Variants in ATG10 observed in about 807,000 individuals in gnomAD.
The protein encoded by ATG10 is ubiquitin-like-conjugating enzyme ATG10.
ATG10 carries 30 observed loss-of-function variants against 32.1 expected under a neutral mutation model. That is an observed-to-expected ratio of 0.94 (90% CI 0.70 to 1.27). The LOEUF is 1.27. ATG10 is among the 50% of genes most tolerant of loss of function. ATG10 has a pLI of 0.00. For synonymous variants in ATG10, 87 were observed against 91.5 expected, an observed-to-expected ratio of 0.95 and a Z score of 0.28; for missense variants, 233 against 262.3, an observed-to-expected ratio of 0.89 and a Z score of 0.77.
chr5:82,021,144 C>T (rs1762421170), intron 2 of ATG10, among the ~76,000 whole-genome samples: 1 of 151,912 alleles, frequency 6.6e-6, no homozygotes, highest in Non-Finnish European at 1.5e-5. Flanking sequence ...TATATAATCT[C>T]CACAATAACT....
At chr5:82,027,071 A>G (rs1762613510) in intron 2 of ATG10, among the ~76,000 whole-genome samples, 1 of 87,208 alleles carries the variant, frequency 1.1e-5, no homozygotes, top group South Asian at 5.6e-4. Context: ...AAAAATGAAT[A>G]AATAAAATAA....
intron 3 of ATG10, among the ~76,000 whole-genome samples, chr5:82,129,216 A>T (rs1343346382): frequency 6.6e-6 from 1 of 151,794 alleles, no homozygotes; most frequent in African/African-American, 2.4e-5. Flanking sequence ...GTTTTTCTCT[A>T]AACTGGTTAT....
intron 5 of ATG10, among the ~76,000 whole-genome samples, chr5:82,249,787 T>G (rs1008931499): frequency 6.6e-6 from 1 of 152,212 alleles, no homozygotes; most frequent in Non-Finnish European, 1.5e-5. Context: ...AGAAGTAAAG[T>G]CCATGTCTTT....
At chr5:82,153,180 G>A (rs1767671851) in intron 3 of ATG10, among the ~76,000 whole-genome samples, 1 of 152,152 alleles carries the variant, frequency 6.6e-6, no homozygotes, top group Non-Finnish European at 1.5e-5. Flanking sequence ...CACGCTCTCT[G>A]TAGTTATAAG....
In ATG10 at chr5:82,162,052, CAG is replaced by C. The variant is rs149906813; in HGVS notation, c.217-2345_217-2344del. Among the ~76,000 whole-genome samples the C allele has an allele frequency of 1.2e-3, 190 of 152,078 alleles. 1 individual carries two copies. In the East Asian group the frequency reaches 0.022, roughly 18 times the overall value. ...AGTACAACAAATGGTTGAAAGAAAA[CAG>C]AAAGTGTTTTTTATATATGTGTGTA... is the stretch of plus-strand genomic sequence containing the variant. On this transcript the variant is annotated intron_variant, in intron 3 of 7. Coordinates refer to ENST00000282185, the MANE Select transcript of ATG10 (RefSeq NM_031482.5).
At chr5:82,204,184 T>C (rs1007052088) in intron 5 of ATG10, among the ~76,000 whole-genome samples, 3 of 152,200 alleles carry the variant, frequency 2.0e-5, no homozygotes, top group African/African-American at 7.2e-5. Flanking sequence ...TTTTTGTATG[T>C]TTTATTTGTG....
intron 2 of ATG10, 76 bp downstream of exon 2, chr5:81,987,754 A>G (rs1019944511): frequency 3.8e-5 from 40 of 1,055,570 alleles, no homozygotes; most frequent in Middle Eastern, 2.1e-4. Context: ...GTTGACAGGT[A>G]AAACCTCCAT....
intron 5 of ATG10, among the ~76,000 whole-genome samples, chr5:82,218,566 A>G (rs1215131303): frequency 6.6e-6 from 1 of 152,050 alleles, no homozygotes; most frequent in African/African-American, 2.4e-5. Flanking sequence ...ATCTGGGGCT[A>G]TTTTTACATG....
chr5:82,101,876 A>G (rs1393864619), intron 3 of ATG10, among the ~76,000 whole-genome samples: 1 of 152,242 alleles, frequency 6.6e-6, no homozygotes, highest in Non-Finnish European at 1.5e-5. Flanking sequence ...TTTCGATAAA[A>G]TAAGATTTCT....
chr5:82,090,771 G>A (rs1013928066), intron 3 of ATG10, among the ~76,000 whole-genome samples: 2 of 152,096 alleles, frequency 1.3e-5, no homozygotes, highest in African/African-American at 4.8e-5. Flanking sequence ...TTGCCATTGG[G>A]AGAAATTGAG....
At chr5:82,028,377 G>A (rs190548340) in intron 2 of ATG10, among the ~76,000 whole-genome samples, 6 of 152,214 alleles carry the variant, frequency 3.9e-5, no homozygotes, top group Admixed American at 2.6e-4. Flanking sequence ...ATTGAAGGTG[G>A]TAAATTCATA....
chr5:82,199,745 C>T lies in ATG10; in HGVS notation c.453+21158C>T, dbSNP rs148183863. Among the ~76,000 whole-genome samples, 993 of 152,238 alleles carry T rather than the reference C, an allele frequency of 6.5e-3. 10 individuals are homozygous for T. Among genetic ancestry groups the T allele is most frequent in the African/African-American group, 0.023 (939 of 41,546 alleles). ...GAAAAATGCAGAGATGTGTAACTGA[C>T]CAAAATCAAGATACAGAGCATTTCC... On this transcript the variant is annotated intron_variant, in intron 5 of 7. Transcript: ENST00000282185.
At chr5:82,016,244 T>C (rs1444646615) in intron 2 of ATG10, among the ~76,000 whole-genome samples, 1 of 152,234 alleles carries the variant, frequency 6.6e-6, no homozygotes, top group African/African-American at 2.4e-5. Flanking sequence ...CCATCTTTAG[T>C]TGATTTTTGT....
At chr5:82,237,600 G>T (rs1207708018) in intron 5 of ATG10, among the ~76,000 whole-genome samples, 1 of 151,416 alleles carries the variant, frequency 6.6e-6, no homozygotes, top group Non-Finnish European at 1.5e-5. Flanking sequence ...CCGAGATCAT[G>T]CCATTGCACT....
chr5:82,023,786 A>C (rs1762514837), intron 2 of ATG10, among the ~76,000 whole-genome samples: 1 of 152,050 alleles, frequency 6.6e-6, no homozygotes, highest in Admixed American at 6.6e-5. Context: ...GGTTTTTGCT[A>C]CTTTTCAGCA....
intron 5 of ATG10, among the ~76,000 whole-genome samples, chr5:82,236,220 C>G (rs1351444453): frequency 2.0e-5 from 3 of 152,050 alleles, no homozygotes; most frequent in Admixed American, 1.3e-4. Context: ...TAGACATTTA[C>G]ATAAGCTCCT....
intron 3 of ATG10, among the ~76,000 whole-genome samples, chr5:82,087,890 T>C (rs1040857306): frequency 1.3e-5 from 2 of 152,130 alleles, no homozygotes; most frequent in Non-Finnish European, 2.9e-5. Flanking sequence ...ACATAGATTG[T>C]GGTGATGGTT....
chr5:82,055,377 T>G (rs750370184), intron 2 of ATG10, among the ~76,000 whole-genome samples: 39 of 152,148 alleles, frequency 2.6e-4, no homozygotes, highest in Non-Finnish European at 4.7e-4. Context: ...GAAAGTGACA[T>G]ATCTCTTTAT....
intron 5 of ATG10, among the ~76,000 whole-genome samples, chr5:82,223,016 G>A (rs1209065888): frequency 6.6e-6 from 1 of 152,184 alleles, no homozygotes; most frequent in Non-Finnish European, 1.5e-5. Flanking sequence ...TCAAAGGCAG[G>A]CTGTGTGTGG....
Sources: allele counts gnomAD v4.1 joint callset (sites outside exome capture counted in the v4.1 genomes callset), GRCh38; gene constraint gnomAD v4.1.1; transcripts MANE v1.5; gene names NCBI Gene and HGNC (gene_info 2026-07-23, HGNC 2026-07-21).